Variants in CWC27 observed in about 807,000 individuals in gnomAD.
CWC27 encodes CWC27 spliceosome associated cyclophilin.
CWC27 carries 47 observed loss-of-function variants against 63.6 expected under a neutral mutation model. The observed-to-expected ratio is 0.74, with a 90% confidence interval of 0.58 to 0.94. The LOEUF is 0.94. Ranked by LOEUF, CWC27 falls within the 40% of genes least tolerant of loss-of-function variation. CWC27 has a pLI of 0.00. For missense variants in CWC27, 495 were observed against 554.3 expected (o/e 0.89, Z 1.07); for synonymous variants, 175 against 179.8 (o/e 0.97, Z 0.22).
At chr5:64,858,250 G>C (rs1220966507) in intron 10 of CWC27, among the ~76,000 whole-genome samples, 1 of 149,112 alleles carries the variant, frequency 6.7e-6, no homozygotes. Context: ...ACGAGGTCAG[G>C]AGATCGAGAC....
chr5:64,855,863 T>TG (rs1746244776), intron 10 of CWC27, among the ~76,000 whole-genome samples: 1 of 152,112 alleles, frequency 6.6e-6, no homozygotes, highest in Non-Finnish European at 1.5e-5. Context: ...CCCTCATACT[T>TG]GCTTTTAGAG....
intron 13 of CWC27, among the ~76,000 whole-genome samples, chr5:64,982,797 C>G (rs868198977): frequency 3.8e-4 from 58 of 152,140 alleles, no homozygotes; most frequent in African/African-American, 1.4e-3. Flanking sequence ...ACCAGGGGTC[C>G]CCAACCCCCA....
At chr5:64,861,375 A>G (rs1162548319) in intron 10 of CWC27, among the ~76,000 whole-genome samples, 1 of 151,780 alleles carries the variant, frequency 6.6e-6, no homozygotes, top group African/African-American at 2.4e-5. Flanking sequence ...TTATAGAGTT[A>G]TGTTTTTTCT....
At chr5:64,807,177 C>G (rs998398661) in intron 10 of CWC27, among the ~76,000 whole-genome samples, 1 of 152,246 alleles carries the variant, frequency 6.6e-6, no homozygotes, top group East Asian at 1.9e-4. Context: ...GGATCAGAAA[C>G]TAGACTAGCC....
intron 11 of CWC27, among the ~76,000 whole-genome samples, chr5:64,938,648 G>GTATTT: frequency 6.7e-6 from 1 of 150,080 alleles, no homozygotes; most frequent in Non-Finnish European, 1.5e-5. Flanking sequence ...TTGAATGTTG[G>GTATTT]CCTGCCTTGC....
chr5:64,861,401 G>A lies in CWC27; in HGVS notation c.939-24042G>A, dbSNP rs1208633733. 3.3e-5 allele frequency among the ~76,000 whole-genome samples: 5 copies of A among 151,778 alleles called. No homozygotes were observed. In the South Asian group the frequency reaches 8.3e-4, roughly 25 times the overall value. On this transcript the variant is annotated intron_variant, in intron 10 of 13. Transcript: ENST00000381070. ...TGTTTTTTCTTAGCAGGTATCTCAT[G>A]GTCAGGCCTAGAGTCAATGTGGGAA...
At chr5:64,832,317 G>A (rs1277111683) in intron 10 of CWC27, among the ~76,000 whole-genome samples, 1 of 151,622 alleles carries the variant, frequency 6.6e-6, no homozygotes, top group Non-Finnish European at 1.5e-5. Context: ...ACATCTTTCA[G>A]TGTTTCGGTA....
chr5:64,803,139 A>G (rs1744544487), intron 9 of CWC27, among the ~76,000 whole-genome samples: 1 of 152,160 alleles, frequency 6.6e-6, no homozygotes, highest in African/African-American at 2.4e-5. Context: ...AGGTGTTAAT[A>G]AACAACTATG....
chr5:64,965,705 G>T lies in CWC27; in HGVS notation c.1043-5998G>T, dbSNP rs540172981. Among the ~76,000 whole-genome samples, 125 of 152,210 alleles carry T rather than the reference G, an allele frequency of 8.2e-4. 4 individuals are homozygous for T. The South Asian group carries it at 0.024, about 30-fold the overall frequency. On this transcript the variant is annotated intron_variant, in intron 11 of 13. Coordinates refer to ENST00000381070, the MANE Select transcript of CWC27 (RefSeq NM_005869.4). ...GTTTTGCAATCGATTTTTTACTTCA[G>T]TTAGAGAATATTAAGTCTTTTCTTT...
intron 10 of CWC27, among the ~76,000 whole-genome samples, chr5:64,873,938 A>G (rs903577811): frequency 2.0e-5 from 3 of 151,986 alleles, no homozygotes; most frequent in African/African-American, 7.2e-5. Flanking sequence ...TTCTTGTCCC[A>G]GTGTATGTTC....
At chr5:64,919,269 A>G (rs572622605) in intron 11 of CWC27, among the ~76,000 whole-genome samples, 1 of 152,328 alleles carries the variant, frequency 6.6e-6, no homozygotes, top group South Asian at 2.1e-4. Context: ...GCCAGAGAAA[A>G]ATTAGAAATC....
At chr5:64,943,943 C>G (rs1305627435) in intron 11 of CWC27, among the ~76,000 whole-genome samples, 1 of 152,078 alleles carries the variant, frequency 6.6e-6, no homozygotes, top group African/African-American at 2.4e-5. Context: ...ACCATAACTA[C>G]CAACTCACCT....
At chr5:64,975,058 T>C (rs961579579) in intron 12 of CWC27, among the ~76,000 whole-genome samples, 3 of 152,214 alleles carry the variant, frequency 2.0e-5, no homozygotes, top group African/African-American at 7.2e-5. Flanking sequence ...TAGGAACTTA[T>C]AAATTTTCCC....
At chr5:64,800,031 ATTT>A (rs1264928498) in intron 7 of CWC27, among the ~76,000 whole-genome samples, 1 of 152,100 alleles carries the variant, frequency 6.6e-6, no homozygotes, top group South Asian at 2.1e-4. Flanking sequence ...ATGATATATC[ATTT>A]TTTGAAAGAA....
intron 7 of CWC27, among the ~76,000 whole-genome samples, chr5:64,799,320 G>T (rs1744395502): frequency 6.6e-6 from 1 of 152,132 alleles, no homozygotes; most frequent in Admixed American, 6.5e-5. Context: ...AGGCACAGTG[G>T]CTCATGCCTG....
rs571246845 is a variant in CWC27 at position 64,978,110 on chromosome 5, C to T, written c.1256+872C>T. Among the ~76,000 whole-genome samples the T allele has an allele frequency of 2.6e-5, 4 of 152,302 alleles. No homozygotes were observed. The East Asian group carries it at 7.7e-4, about 29-fold the overall frequency. ...AACTCTGTTCAACACTCCCATCCTTCAGGAAACCAGTCAGCAAGATTTGTT... is the reference window on the plus strand; with the variant it reads ...AACTCTGTTCAACACTCCCATCCTTTAGGAAACCAGTCAGCAAGATTTGTT... On this transcript the variant is annotated intron_variant, in intron 13 of 13. Coordinates refer to ENST00000381070, the MANE Select transcript of CWC27 (RefSeq NM_005869.4).
chr5:64,861,564 C>T (rs1746413491), intron 10 of CWC27, among the ~76,000 whole-genome samples: 1 of 152,138 alleles, frequency 6.6e-6, no homozygotes, highest in African/African-American at 2.4e-5. Flanking sequence ...GTACTCTGTA[C>T]TTAGTGATTG....
intron 10 of CWC27, among the ~76,000 whole-genome samples, chr5:64,813,651 T>G (rs550582641): frequency 1.1e-3 from 170 of 152,308 alleles, no homozygotes; most frequent in African/African-American, 4.0e-3. Flanking sequence ...AGATTTGACA[T>G]TATGTGCAGA....
intron 11 of CWC27, among the ~76,000 whole-genome samples, chr5:64,970,104 T>C (rs1399068651): frequency 6.6e-6 from 1 of 152,096 alleles, no homozygotes; most frequent in East Asian, 1.9e-4. Context: ...TCCTAAGTCA[T>C]CTTAAAGTGC....
Sources: gnomAD v4.1 joint callset for allele counts (sites outside exome capture counted in the v4.1 genomes callset) on GRCh38, gnomAD v4.1.1 for gene constraint, MANE v1.5 for transcripts, NCBI Gene and HGNC (gene_info 2026-07-23, HGNC 2026-07-21) for gene names.